DGLUCY: variants seen among roughly 807,000 people sequenced by gnomAD.
The protein encoded by DGLUCY is D-glutamate cyclase, mitochondrial.
DGLUCY carries 58 observed loss-of-function variants against 58.5 expected under a neutral mutation model. The observed-to-expected ratio is 0.99, with a 90% CI of 0.80 to 1.23. DGLUCY has a LOEUF of 1.23. DGLUCY is among the 50% of genes most tolerant of loss of function. DGLUCY has a pLI of 0.00. For synonymous variants in DGLUCY, 325 were observed against 314.1 expected (o/e 1.03, Z -0.37); for missense variants, 779 against 784.7 (o/e 0.99, Z 0.09).
chr14:91,220,727 A>G (rs1024892682), intron 13 of DGLUCY: 8 of 450,408 alleles, frequency 1.8e-5, no homozygotes, highest in Non-Finnish European at 2.7e-5. Flanking sequence ...TACCAGCCCC[A>G]TCTTGCTCTA....
In DGLUCY at chr14:91,160,356, A is replaced by G; in HGVS notation, c.62A>G (p.Gln21Arg). 1 of 1,612,796 alleles carries G rather than the reference A, an allele frequency of 6.2e-7. No individual in the cohort carries two copies. Among genetic ancestry groups the G allele is most frequent in the Non-Finnish European group, 8.5e-7 (1 of 1,179,632 alleles). ...TCTGCCATAAGGAGTTTGATTCTACAAAAGAAACCAAACATCAGAAATACA... is the reference window on the plus strand; with the variant it reads ...TCTGCCATAAGGAGTTTGATTCTACGAAAGAAACCAAACATCAGAAATACA... ...LPSAIRSLILQKKPNIRNTSS... is the reference protein window; with the variant it reads ...LPSAIRSLILRKKPNIRNTSS... The change falls in exon 3 of 14, where the codon CAA (glutamine) becomes CGA (arginine). Residue 21 changes from glutamine (Q) to arginine (R), a missense_variant. By Grantham distance (43) the Gln-to-Arg change is conservative. Coordinates refer to ENST00000256324, the MANE Select transcript of DGLUCY (RefSeq NM_001102368.3).
intron 13 of DGLUCY, among the ~76,000 whole-genome samples, chr14:91,217,336 T>G (rs1886695534): frequency 6.6e-6 from 1 of 151,776 alleles, no homozygotes; most frequent in Non-Finnish European, 1.5e-5. Flanking sequence ...GGAAAGCAAA[T>G]CCAAGAGGCC....
rs572782189 is a variant in DGLUCY at position 91,127,686 on chromosome 14, C to T, written c.-82+13403C>T. Among the ~76,000 whole-genome samples, 10 of 152,380 alleles carry T rather than the reference C, an allele frequency of 6.6e-5. No individual in the cohort carries two copies. In the South Asian group the frequency reaches 1.9e-3, roughly 28 times the overall value. ...CTCTCACACTGTGTCGTCCTTCTCC[C>T]AGCCTTTACCTGTGCTCCTAGCCTG... is the stretch of plus-strand genomic sequence containing the variant. On this transcript the variant is annotated intron_variant, in intron 1 of 13. Transcript: ENST00000256324.
intron 1 of DGLUCY, among the ~76,000 whole-genome samples, chr14:91,076,753 A>G (rs2044028430): frequency 6.6e-6 from 1 of 152,110 alleles, no homozygotes; most frequent in African/African-American, 2.4e-5. Flanking sequence ...AAAAACAAAA[A>G]AGCAAGACAC....
chr14:91,158,624 A>G (rs2047794609), intron 2 of DGLUCY, among the ~76,000 whole-genome samples: 1 of 152,120 alleles, frequency 6.6e-6, no homozygotes, highest in African/African-American at 2.4e-5. Flanking sequence ...CTTGTCCAGA[A>G]CCCTCACTAT....
chr14:91,213,603 A>G (rs993926603), intron 12 of DGLUCY, among the ~76,000 whole-genome samples: 1 of 152,180 alleles, frequency 6.6e-6, no homozygotes, highest in Non-Finnish European at 1.5e-5. Context: ...AGTAGAATAC[A>G]GTATTATTTT....
Position 91,160,325 on chromosome 14 carries a change from CT to C in DGLUCY, c.33del (p.Ser13LeufsTer3), listed in dbSNP as rs2047905153. The C allele has an allele frequency of 2.5e-6, 4 of 1,613,318 alleles. No individual in the cohort carries two copies. The highest frequency in any genetic ancestry group is 3.4e-6 in the Non-Finnish European group (4 of 1,179,774). Reference protein sequence around the residue: MPFTLHLRSRLPSAIRSLILQ... With the variant: MPFTLHLRSRXPSAIRSLILQ... ...CTTCACACTCCACCTGAGGTCCCGC[CT>C]TCCCTCTGCCATAAGGAGTTTGATT... On this transcript the variant is annotated frameshift_variant, in exon 3 of 14. Transcript: ENST00000256324. LOFTEE classifies it high-confidence loss of function.
intron 7 of DGLUCY, among the ~76,000 whole-genome samples, chr14:91,179,305 C>G (rs2049027271): frequency 6.6e-6 from 1 of 152,128 alleles, no homozygotes; most frequent in African/African-American, 2.4e-5. Flanking sequence ...GTGGTTCAGG[C>G]CAGGCTCTGT....
chr14:91,138,789 T>G (rs1017082721), intron 1 of DGLUCY, among the ~76,000 whole-genome samples: 4 of 151,992 alleles, frequency 2.6e-5, no homozygotes, highest in African/African-American at 9.7e-5. Flanking sequence ...ATCATGAGGA[T>G]GATGATGATT....
intron 1 of DGLUCY, chr14:91,115,312 C>G (rs1215485790): frequency 6.6e-6 from 1 of 152,320 alleles, no homozygotes; most frequent in Non-Finnish European, 1.5e-5. Context: ...TGGAGTGAAG[C>G]TGAGGAAGCA....
At chr14:91,175,673 C>T in intron 6 of DGLUCY, 1 of 368,850 alleles carries the variant, frequency 2.7e-6, no homozygotes, top group Non-Finnish European at 5.2e-6. Context: ...CTCAATGCAC[C>T]CAAGGATCCT....
chr14:91,130,467 C>T lies in DGLUCY; in HGVS notation c.-82+16184C>T, dbSNP rs972563385. On this transcript the variant is annotated intron_variant, in intron 1 of 13. Transcript: ENST00000256324. Reference sequence around the variant, plus strand: ...GGACTACAGGCACAAGCCGCCATGCCCAGCTAATTTTTGTATTTTTAGTAG... The same window carrying T: ...GGACTACAGGCACAAGCCGCCATGCTCAGCTAATTTTTGTATTTTTAGTAG... Among the ~76,000 whole-genome samples the T allele has an allele frequency of 3.9e-5, 6 of 152,042 alleles. No individual in the cohort carries two copies. The East Asian group carries it at 1.2e-3, about 29-fold the overall frequency.
chr14:91,223,402 A>G (rs1319979495), intron 13 of DGLUCY, among the ~76,000 whole-genome samples: 1 of 152,180 alleles, frequency 6.6e-6, no homozygotes, highest in Non-Finnish European at 1.5e-5. Flanking sequence ...CCTATTCTAG[A>G]TTCCTTAGGT....
intron 1 of DGLUCY, among the ~76,000 whole-genome samples, chr14:91,121,200 C>T (rs990780397): frequency 3.9e-5 from 6 of 152,224 alleles, no homozygotes; most frequent in African/African-American, 1.2e-4. Flanking sequence ...TTTTCCTTGC[C>T]TCTTCCTCAT....
In DGLUCY at chr14:91,076,894, A is replaced by G. The variant is rs549623924; in HGVS notation, c.-82+16190A>G. ...ACAGTGCCAGCACGACTCCACAGGA[A>G]TGGGAAGTACTAACAGCCTGGACAC... is the stretch of plus-strand genomic sequence containing the variant. On this transcript the variant is annotated intron_variant, in intron 1 of 4. Coordinates refer to the DGLUCY transcript ENST00000521334. Among the ~76,000 whole-genome samples the G allele has an allele frequency of 2.0e-5, 3 of 152,214 alleles. No homozygotes were observed. In the East Asian group the frequency reaches 5.8e-4, roughly 29 times the overall value.
At chr14:91,158,429 C>T (rs1319963223) in intron 2 of DGLUCY, among the ~76,000 whole-genome samples, 2 of 152,240 alleles carry the variant, frequency 1.3e-5, no homozygotes, top group African/African-American at 4.8e-5. Flanking sequence ...TACATCTCTC[C>T]TCCTTCCAAA....
chr14:91,078,450 A>T (rs1475159828), intron 1 of DGLUCY, among the ~76,000 whole-genome samples: 1 of 152,172 alleles, frequency 6.6e-6, no homozygotes, highest in Non-Finnish European at 1.5e-5. Context: ...CTACTATTTG[A>T]TGGGGAGGTT....
chr14:91,209,537 G>T (rs1030485956), intron 12 of DGLUCY, among the ~76,000 whole-genome samples: 3 of 151,996 alleles, frequency 2.0e-5, no homozygotes, highest in Admixed American at 2.0e-4. Context: ...GTGAAACCCC[G>T]TCTCTACTAA....
chr14:91,141,226 A>T (rs1197110838), intron 1 of DGLUCY, among the ~76,000 whole-genome samples: 1 of 152,002 alleles, frequency 6.6e-6, no homozygotes, highest in Non-Finnish European at 1.5e-5. Flanking sequence ...TCTCTACTAA[A>T]AATACAAAAA....
Sources: gnomAD v4.1 joint callset for allele counts (sites outside exome capture counted in the v4.1 genomes callset) on GRCh38, gnomAD v4.1.1 for gene constraint, MANE v1.5 for transcripts, NCBI Gene and HGNC (gene_info 2026-07-23, HGNC 2026-07-21) for gene names.